The following THOC7 variants were observed in gnomAD, a reference collection of about 807,000 sequenced individuals.
THOC7 encodes the protein THO complex subunit 7, also known as NIF3L1-binding protein 1.
A neutral mutation model predicts 33.1 loss-of-function variants in THOC7; 22 were observed. That is an observed-to-expected ratio of 0.66 (90% CI 0.47 to 0.95). The LOEUF is 0.95. Ranked by LOEUF, THOC7 falls within the 40% of genes least tolerant of loss-of-function variation. The probability of loss-of-function intolerance (pLI) is 0.00; values close to 1 mark genes in which losing one functional copy is unlikely to be tolerated. For synonymous variants in THOC7, 77 were observed against 76.8 expected (o/e 1.00, Z -0.01); for missense variants, 184 against 245.3 (o/e 0.75, Z 1.67).
intron 1 of THOC7, among the ~76,000 whole-genome samples, chr3:63,847,046 C>A (rs917457877): frequency 1.3e-5 from 2 of 152,076 alleles, no homozygotes; most frequent in African/African-American, 4.8e-5. Context: ...GCTAGAACGC[C>A]TCCTAGTTTG....
chr3:63,856,102 A>T (rs1702111044), intron 1 of THOC7, among the ~76,000 whole-genome samples: 1 of 152,196 alleles, frequency 6.6e-6, no homozygotes, highest in Non-Finnish European at 1.5e-5. Context: ...CCAATAGAGG[A>T]TCTGTCTAAA....
intron 1 of THOC7, among the ~76,000 whole-genome samples, chr3:63,856,223 A>G (rs1018234076): frequency 1.6e-4 from 25 of 152,104 alleles, no homozygotes; most frequent in African/African-American, 6.0e-4. Flanking sequence ...GGTAGAAAAT[A>G]GAGATGGTTA....
chr3:63,836,898 T>C (rs1382367613), intron 4 of THOC7, among the ~76,000 whole-genome samples: 2 of 151,982 alleles, frequency 1.3e-5, no homozygotes, highest in Admixed American at 1.3e-4. Context: ...AGCTTTCTTA[T>C]GAAGTGATGA....
intron 7 of THOC7, 55 bp downstream of exon 7, chr3:63,835,099 C>G (rs1291373310): frequency 1.3e-6 from 2 of 1,552,472 alleles, no homozygotes; most frequent in African/African-American, 1.4e-5. Context: ...AGGTACATCC[C>G]TGGGTCATTT....
intron 1 of THOC7, among the ~76,000 whole-genome samples, chr3:63,856,793 C>T (rs1295595414): frequency 6.6e-6 from 1 of 152,066 alleles, no homozygotes; most frequent in East Asian, 1.9e-4. Context: ...TCTCGGCTCA[C>T]TGCAAGCTCC....
intron 1 of THOC7, among the ~76,000 whole-genome samples, chr3:63,843,112 ATTTGTTTG>A (rs767250587): frequency 2.7e-5 from 4 of 149,194 alleles, no homozygotes; most frequent in Admixed American, 1.3e-4. Context: ...CCGTATGTAT[ATTTGTTTG>A]TTTGTTTGTT....
At chr3:63,838,539 G>C (rs752352949) in intron 2 of THOC7, 40 bp from the exon 3 acceptor site, 1 of 1,563,252 alleles carries the variant, frequency 6.4e-7, no homozygotes, top group South Asian at 1.2e-5. Context: ...AGATATTTGT[G>C]GACTGACAAA....
chr3:63,847,210 T>C (rs929895917), intron 1 of THOC7, among the ~76,000 whole-genome samples: 1 of 152,174 alleles, frequency 6.6e-6, no homozygotes, highest in African/African-American at 2.4e-5. Context: ...AAAGTTCCTA[T>C]AAATCTGGTA....
rs1298965536 is a variant in THOC7, at chr3:63,852,542, T to C, written c.19+11230A>G. Among the ~76,000 whole-genome samples, 13 of 152,186 alleles carry C rather than the reference T, an allele frequency of 8.5e-5. No individual in the cohort carries two copies. In the East Asian group the frequency reaches 2.5e-3, roughly 29 times the overall value. ...GCTCTAGCAGAGGCTGGGTGGGGAA[T>C]GAAAGGCTGAAGCTGGGGCATGAGT... On this transcript the variant is annotated intron_variant, in intron 1 of 7. Transcript: ENST00000295899.
rs546724768 is a variant in THOC7 at position 63,863,452 on chromosome 3, G to A, written c.19+320C>T. On this transcript the variant is annotated intron_variant, in intron 1 of 7. Coordinates refer to ENST00000295899, the MANE Select transcript of THOC7 (RefSeq NM_025075.4). ...ACCCGCCCTTGCACCGCTTCTAGCCGTCTCGGCCACCCACGTGTGTTCCCA... is the reference window on the plus strand; with the variant it reads ...ACCCGCCCTTGCACCGCTTCTAGCCATCTCGGCCACCCACGTGTGTTCCCA... The A allele has an allele frequency of 2.6e-6, 3 of 1,137,222 alleles. No homozygotes were observed. In the East Asian group the frequency reaches 1.3e-4, roughly 49 times the overall value. 70.4% of individuals were successfully genotyped at this position (1,137,222 alleles called of 1,614,324 possible).
intron 1 of THOC7, among the ~76,000 whole-genome samples, chr3:63,846,406 T>G (rs1200602895): frequency 5.9e-5 from 9 of 152,272 alleles, no homozygotes; most frequent in African/African-American, 2.2e-4. Context: ...ACTTATTATT[T>G]AAAAATTTTT....
chr3:63,856,018 C>T (rs1237558391), intron 1 of THOC7, among the ~76,000 whole-genome samples: 7 of 152,132 alleles, frequency 4.6e-5, no homozygotes, highest in East Asian at 3.9e-4. Flanking sequence ...CCCACAAGTA[C>T]GCGAATATAT....
intron 1 of THOC7, 49 bp downstream of exon 1, chr3:63,863,723 G>T (rs1024632373): frequency 1.6e-6 from 2 of 1,248,366 alleles, no homozygotes; most frequent in South Asian, 7.3e-5. Flanking sequence ...CTCAGGGGAG[G>T]CCCAGCGGGC....
chr3:63,836,228 G>T, intron 5 of THOC7, 73 bp downstream of exon 5: 1 of 1,388,374 alleles, frequency 7.2e-7, no homozygotes, highest in South Asian at 1.3e-5. Flanking sequence ...CTGCAAAAAT[G>T]AAATGCCTAC....
chr3:63,862,885 C>T (rs927872224), intron 1 of THOC7, among the ~76,000 whole-genome samples: 9 of 152,096 alleles, frequency 5.9e-5, no homozygotes, highest in African/African-American at 2.2e-4. Flanking sequence ...ACCTTATTTC[C>T]GCTCTCAGTC....
At chr3:63,842,754 A>G (rs997850467) in intron 1 of THOC7, among the ~76,000 whole-genome samples, 14 of 152,116 alleles carry the variant, frequency 9.2e-5, no homozygotes, top group African/African-American at 2.7e-4. Flanking sequence ...TACACTGGGT[A>G]TAAGTACACA....
chr3:63,836,196 T>A, intron 5 of THOC7, 105 bp downstream of exon 5: 1 of 1,059,372 alleles, frequency 9.4e-7, no homozygotes, highest in African/African-American at 1.6e-5. Context: ...ATCTGACCCC[T>A]CCTTTTGAAA....
intron 1 of THOC7, among the ~76,000 whole-genome samples, chr3:63,842,485 TG>T (rs2107133205): frequency 6.6e-6 from 1 of 152,252 alleles, no homozygotes; most frequent in South Asian, 2.1e-4. Context: ...AAAGAAAATG[TG>T]GTATCTATAC....
In THOC7 at chr3:63,839,657, C is replaced by G. The variant is rs1701715733; in HGVS notation, c.136G>C (p.Gly46Arg). The G allele has an allele frequency of 6.2e-7, 1 of 1,610,966 alleles. No individual in the cohort carries two copies. The highest frequency in any genetic ancestry group is 8.5e-7 in the Non-Finnish European group (1 of 1,178,990). ...GAAACAACAGTGAAAATGAAATACC[C>G]CTCTTCCTGGGACCCAGAGTTGCAC... The part of the protein sequence containing the change: ...KWCNSGSQEE[G>R]YSQYQRMLST... Residue 46 changes from glycine (G) to arginine (R), a missense_variant and splice_region_variant, in exon 2 of 8, where the codon GGA becomes CGA. Gly to Arg is a moderately radical substitution (Grantham distance 125). Transcript: ENST00000295899.
Sources: allele counts gnomAD v4.1 joint callset (sites outside exome capture counted in the v4.1 genomes callset), GRCh38; gene constraint gnomAD v4.1.1; transcripts MANE v1.5; gene names NCBI Gene and HGNC (gene_info 2026-07-23, HGNC 2026-07-21).